Variants in ITGA8 observed in about 807,000 individuals in gnomAD.
The protein encoded by ITGA8 is integrin alpha-8.
In ITGA8, 91 loss-of-function variants were observed where a neutral mutation model predicts 142.3. That is an observed-to-expected ratio of 0.64 (90% confidence interval 0.54 to 0.76). ITGA8 has a LOEUF of 0.76. Ranked by LOEUF, ITGA8 falls within the 30% of genes least tolerant of loss-of-function variation. The pLI, the probability that ITGA8 is intolerant of heterozygous loss-of-function variation, is 0.00. For missense variants in ITGA8, 1,406 were observed against 1,327.7 expected (o/e 1.06, Z -0.92); for synonymous variants, 505 against 485.2 (o/e 1.04, Z -0.54).
chr10:15,615,780 C>G (rs1833380704), intron 14 of ITGA8, among the ~76,000 whole-genome samples: 1 of 152,072 alleles, frequency 6.6e-6, no homozygotes, highest in Non-Finnish European at 1.5e-5. Flanking sequence ...CCCCAAAGTG[C>G]TGGGATTATA....
chr10:15,686,339 C>T (rs1834832438), intron 3 of ITGA8, among the ~76,000 whole-genome samples: 1 of 152,208 alleles, frequency 6.6e-6, no homozygotes, highest in South Asian at 2.1e-4. Context: ...CCCAAGTTAT[C>T]TGGTTCATAA....
At chr10:15,592,170 G>A (rs1755325507) in intron 22 of ITGA8, 55 bp downstream of exon 22, 15 of 1,317,798 alleles carry the variant, frequency 1.1e-5, no homozygotes, top group Non-Finnish European at 1.6e-5. Context: ...TCATTTCACT[G>A]TGGATCTCTT....
intron 28 of ITGA8, among the ~76,000 whole-genome samples, chr10:15,524,708 C>T (rs1833135367): frequency 6.6e-6 from 1 of 152,210 alleles, no homozygotes; most frequent in Non-Finnish European, 1.5e-5. Flanking sequence ...GAGAAGACGA[C>T]TTAACTGATC....
At chr10:15,697,403 G>T (rs1269528499) in intron 2 of ITGA8, among the ~76,000 whole-genome samples, 1 of 152,134 alleles carries the variant, frequency 6.6e-6, no homozygotes, top group Non-Finnish European at 1.5e-5. Context: ...TTTGACACCT[G>T]TCCCCCATTC....
At chr10:15,685,662 T>A (rs1834821016) in intron 3 of ITGA8, among the ~76,000 whole-genome samples, 1 of 152,218 alleles carries the variant, frequency 6.6e-6, no homozygotes. Flanking sequence ...AATGTTGCTT[T>A]AGAGAAAATA....
intron 3 of ITGA8, among the ~76,000 whole-genome samples, chr10:15,686,270 T>C (rs1834831148): frequency 6.6e-6 from 1 of 152,202 alleles, no homozygotes; most frequent in African/African-American, 2.4e-5. Flanking sequence ...TGGTTTTGCC[T>C]CTCTATATAT....
intron 27 of ITGA8, among the ~76,000 whole-genome samples, chr10:15,536,238 G>GT (rs139506779): frequency 0.13 from 20,095 of 151,984 alleles, 1,454 homozygotes; most frequent in Middle Eastern, 0.19. Flanking sequence ...AGATCAATCT[G>GT]TTTTTTGTTT....
chr10:15,704,843 A>G lies in ITGA8; in HGVS notation c.343+13923T>C, dbSNP rs1378113035. ...GATTGGGTTTCACGATGAAGGCTGTATAAATTTGCCTCCCAATAACACTTG... is the reference window on the plus strand; with the variant it reads ...GATTGGGTTTCACGATGAAGGCTGTGTAAATTTGCCTCCCAATAACACTTG... On this transcript the variant is annotated intron_variant, in intron 2 of 29. Coordinates refer to ENST00000378076, the MANE Select transcript of ITGA8 (RefSeq NM_003638.3). 1.3e-5 allele frequency among the ~76,000 whole-genome samples: 2 copies of G among 152,218 alleles called. 1 individual carries two copies. Among genetic ancestry groups the G allele is most frequent in the East Asian group, 3.8e-4 (2 of 5,200 alleles).
intron 13 of ITGA8, among the ~76,000 whole-genome samples, chr10:15,640,188 T>C (rs1833845619): frequency 6.6e-6 from 1 of 152,158 alleles, no homozygotes; most frequent in Non-Finnish European, 1.5e-5. Context: ...CTTCATTTAA[T>C]CCAAAAACAA....
In ITGA8 at chr10:15,604,300, C is replaced by T; in HGVS notation, c.2026G>A (p.Ala676Thr). Reference protein sequence around the residue: ...DENHLMLIINARNEGEGAYEA... With the variant: ...DENHLMLIINTRNEGEGAYEA... ...TATGCTCCTTCCCCTTCATTTCTTG[C>T]ATTTATTATGAGCATAAGGTGATTT... The change falls in exon 20 of 30, where the codon GCA becomes ACA. Residue 676 changes from alanine to threonine, a missense_variant. By Grantham distance (58) the Ala-to-Thr change is moderately conservative. Transcript: ENST00000378076. The T allele has an allele frequency of 1.2e-6, 2 of 1,612,546 alleles. No individual in the cohort carries two copies. The highest frequency in any genetic ancestry group is 1.7e-6 in the Non-Finnish European group (2 of 1,178,778).
intron 13 of ITGA8, among the ~76,000 whole-genome samples, chr10:15,637,182 A>T (rs1290514669): frequency 6.6e-6 from 1 of 152,202 alleles, no homozygotes; most frequent in Non-Finnish European, 1.5e-5. Flanking sequence ...CCTCTCCAGC[A>T]TCCTAGAATG....
intron 17 of ITGA8, 94 bp downstream of exon 17, chr10:15,607,583 T>A (rs1833217595): frequency 8.8e-7 from 1 of 1,140,990 alleles, no homozygotes; most frequent in African/African-American, 1.5e-5. Context: ...CAGATGGGGG[T>A]CTATGCAGAC....
At position 15,558,133 on chromosome 10, in the gene ITGA8, C is replaced by G. The variant is rs750561487; in HGVS notation, c.2707G>C (p.Val903Leu). 6 of 1,614,194 alleles carry G rather than the reference C, an allele frequency of 3.7e-6. No individual in the cohort carries two copies. In the South Asian group the frequency reaches 6.6e-5, roughly 18 times the overall value. ...ACCACATGTACATCCCTCTTCCTGA[C>G]AAGATGAGGAATAGTAGAGTTTCGC... is the stretch of plus-strand genomic sequence containing the variant. ...FLRNSTIPHL[V>L]RKRDVHVVEF... is the part of the protein sequence containing the mutation. The change falls in exon 26 of 30, where the codon GTC (valine) becomes CTC (leucine). Residue 903 changes from valine (V) to leucine (L), a missense_variant. Val to Leu is a conservative substitution (Grantham distance 32, BLOSUM62 1). Coordinates refer to ENST00000378076, the MANE Select transcript of ITGA8 (RefSeq NM_003638.3).
intron 21 of ITGA8, among the ~76,000 whole-genome samples, chr10:15,594,339 A>T (rs1832978134): frequency 6.6e-6 from 1 of 151,918 alleles, no homozygotes; most frequent in Non-Finnish European, 1.5e-5. Context: ...TCTCCTTTTT[A>T]TTCTCTGTCT....
intron 26 of ITGA8, among the ~76,000 whole-genome samples, chr10:15,553,701 G>A (rs1833834436): frequency 6.6e-6 from 1 of 152,064 alleles, no homozygotes; most frequent in African/African-American, 2.4e-5. Flanking sequence ...TCTTGGCTAT[G>A]ACTAAAAAAA....
At position 15,655,359 on chromosome 10, in the gene ITGA8, A is replaced by G; in HGVS notation, c.996T>C (p.Ser332=). ...GYTVVVSDVN[S]DGLDDVLVGA... ...AGAGAGGTCTATAAACTTACCCATC[A>G]CTGTTAACATCTGATACGACAACGG... The change falls in exon 11 of 30, where the codon AGT becomes AGC. Residue 332 remains serine (S), a synonymous_variant. Transcript: ENST00000378076. 1 of 1,592,190 alleles carries G rather than the reference A, an allele frequency of 6.3e-7. No homozygotes were observed. The highest frequency in any genetic ancestry group is 1.3e-5 in the African/African-American group (1 of 74,610).
chr10:15,516,706 G>C lies in ITGA8; in HGVS notation c.*452C>G, dbSNP rs1261335727. Reference sequence around the variant, plus strand: ...TCTTTTCCATAGGGAGGTGTCAAATGTTCCATTGGATACAGTAGTGTTGGA... The same window carrying C: ...TCTTTTCCATAGGGAGGTGTCAAATCTTCCATTGGATACAGTAGTGTTGGA... On this transcript the variant is annotated 3_prime_UTR_variant, in exon 30 of 30. Coordinates refer to ENST00000378076, the MANE Select transcript of ITGA8 (RefSeq NM_003638.3). 1 of 152,522 alleles carries C rather than the reference G, an allele frequency of 6.6e-6. No homozygotes were observed. The highest frequency in any genetic ancestry group is 1.5e-5 in the Non-Finnish European group (1 of 68,326). The allele number at this position is 152,522 out of a possible 1,614,324, so 9.4% of individuals were successfully genotyped here.
chr10:15,670,073 C>T (rs530442899), intron 8 of ITGA8, among the ~76,000 whole-genome samples: 11 of 152,284 alleles, frequency 7.2e-5, no homozygotes, highest in East Asian at 5.8e-4. Flanking sequence ...CCATCTTCTG[C>T]GTCGCTCATG....
At chr10:15,642,137 AG>A (rs961933614) in intron 13 of ITGA8, among the ~76,000 whole-genome samples, 3 of 152,168 alleles carry the variant, frequency 2.0e-5, no homozygotes, top group Non-Finnish European at 2.9e-5. Context: ...AGAAAAAAAA[AG>A]GAAAAGAAAA....
Sources: allele counts gnomAD v4.1 joint callset (sites outside exome capture counted in the v4.1 genomes callset), GRCh38; gene constraint gnomAD v4.1.1; transcripts MANE v1.5; gene names NCBI Gene and HGNC (gene_info 2026-07-23, HGNC 2026-07-21).